CTNND2: variants seen among roughly 807,000 people sequenced by gnomAD.
CTNND2 encodes catenin delta-2.
In CTNND2, 22 loss-of-function variants were observed where a neutral mutation model predicts 144.4. The ratio of observed to expected loss-of-function variants is 0.15; its 90% CI spans 0.11 to 0.22. The LOEUF (loss-of-function observed/expected upper bound fraction) is 0.22. Ranked by LOEUF, CTNND2 falls within the 10% of genes least tolerant of loss-of-function variation. The pLI, the probability that CTNND2 is intolerant of heterozygous loss-of-function variation, is 1.00. For synonymous variants in CTNND2, 751 were observed against 695.6 expected, an observed-to-expected ratio of 1.08 and a Z score of -1.25; for missense variants, 1,353 against 1,618.8, an observed-to-expected ratio of 0.84 and a Z score of 2.82.
intron 1 of CTNND2, among the ~76,000 whole-genome samples, chr5:11,887,140 C>G (rs565333582): frequency 6.6e-6 from 1 of 151,874 alleles, no homozygotes; most frequent in African/African-American, 2.4e-5. Flanking sequence ...CATACCGCCA[C>G]GCCCAGCTAA....
chr5:11,171,604 C>T (rs183930748), intron 11 of CTNND2, among the ~76,000 whole-genome samples: 67 of 152,200 alleles, frequency 4.4e-4, no homozygotes, highest in African/African-American at 8.7e-4. Flanking sequence ...CTAAGGAATA[C>T]GCAGTAAATT....
At chr5:11,354,738 C>T (rs73042250) in intron 8 of CTNND2, among the ~76,000 whole-genome samples, 1 of 152,306 alleles carries the variant, frequency 6.6e-6, no homozygotes, top group African/African-American at 2.4e-5. Flanking sequence ...AAACTACGCT[C>T]CAGACCAAAG....
At chr5:11,492,046 G>A (rs1769437329) in intron 3 of CTNND2, among the ~76,000 whole-genome samples, 1 of 152,182 alleles carries the variant, frequency 6.6e-6, no homozygotes, top group Non-Finnish European at 1.5e-5. Flanking sequence ...AAGCTGCTGG[G>A]TAATCTTTAA....
chr5:11,443,052 T>C (rs2149896249), intron 3 of CTNND2, among the ~76,000 whole-genome samples: 1 of 150,870 alleles, frequency 6.6e-6, no homozygotes, highest in African/African-American at 2.4e-5. Flanking sequence ...TGAGTACACC[T>C]CAACCAAACC....
chr5:11,595,772 C>T (rs1779472814), intron 2 of CTNND2, among the ~76,000 whole-genome samples: 1 of 152,116 alleles, frequency 6.6e-6, no homozygotes, highest in Admixed American at 6.5e-5. Context: ...TTGAAGACAG[C>T]AATTTCCATC....
intron 3 of CTNND2, among the ~76,000 whole-genome samples, chr5:11,550,900 G>GT (rs1421444804): frequency 6.6e-6 from 1 of 152,184 alleles, no homozygotes; most frequent in Non-Finnish European, 1.5e-5. Context: ...TTTGAAGTAA[G>GT]TAATAGCTTC....
At position 11,110,964 on chromosome 5, in the gene CTNND2, C is replaced by T; in HGVS notation, c.2357G>A (p.Gly786Asp). 3 of 1,614,152 alleles carry T rather than the reference C, an allele frequency of 1.9e-6. No individual in the cohort carries two copies. The highest frequency in any genetic ancestry group is 2.5e-6 in the Non-Finnish European group (3 of 1,180,018). Residue 786 changes from glycine to aspartate, a missense_variant, in exon 14 of 22, where the codon GGC becomes GAC. Physicochemically the swap from Gly to Asp is moderately conservative, Grantham distance 94. Coordinates refer to ENST00000304623, the MANE Select transcript of CTNND2 (RefSeq NM_001332.4). ...AAETSQGQHM[G>D]TDELDGLLCG... Reference sequence around the variant, plus strand: ...GAGTAGCCCGTCCAGCTCGTCCGTGCCCATGTGCTGTCCCTGAGACGTTTC... The same window carrying T: ...GAGTAGCCCGTCCAGCTCGTCCGTGTCCATGTGCTGTCCCTGAGACGTTTC...
At chr5:11,625,909 T>C (rs1314436675) in intron 2 of CTNND2, among the ~76,000 whole-genome samples, 1 of 152,198 alleles carries the variant, frequency 6.6e-6, no homozygotes, top group Admixed American at 6.5e-5. Flanking sequence ...AAAAATTTAA[T>C]GCCATCGGTG....
intron 2 of CTNND2, among the ~76,000 whole-genome samples, chr5:11,669,412 G>C (rs1417527287): frequency 6.6e-6 from 1 of 152,048 alleles, no homozygotes; most frequent in Non-Finnish European, 1.5e-5. Flanking sequence ...GTGATTGGTA[G>C]GCTATTAATT....
At chr5:11,188,600 T>G (rs1032421904) in intron 11 of CTNND2, among the ~76,000 whole-genome samples, 1 of 152,198 alleles carries the variant, frequency 6.6e-6, no homozygotes, top group African/African-American at 2.4e-5. Flanking sequence ...ACACGTACCC[T>G]GGAACTTTAA....
intron 9 of CTNND2, among the ~76,000 whole-genome samples, chr5:11,325,964 C>T (rs1279720920): frequency 6.6e-6 from 1 of 152,168 alleles, no homozygotes; most frequent in Non-Finnish European, 1.5e-5. Flanking sequence ...AACTGTAGTA[C>T]ATTTAAATGT....
intron 11 of CTNND2, among the ~76,000 whole-genome samples, chr5:11,162,302 G>C (rs1053025193): frequency 6.6e-6 from 1 of 152,090 alleles, no homozygotes; most frequent in Admixed American, 6.5e-5. Context: ...AATAGGGAAA[G>C]GGAGGAAGGA....
intron 2 of CTNND2, among the ~76,000 whole-genome samples, chr5:11,728,879 T>C (rs1787170915): frequency 6.6e-6 from 1 of 152,092 alleles, no homozygotes; most frequent in African/African-American, 2.4e-5. Flanking sequence ...TGAAGGCCAA[T>C]TCAGATAAAA....
chr5:11,219,936 A>G (rs1739616342), intron 10 of CTNND2, among the ~76,000 whole-genome samples: 1 of 152,176 alleles, frequency 6.6e-6, no homozygotes, highest in African/African-American at 2.4e-5. Flanking sequence ...TAGGGGGCCT[A>G]CTTCTCACTC....
intron 2 of CTNND2, among the ~76,000 whole-genome samples, chr5:11,567,346 G>GAATATT (rs1777200851): frequency 6.6e-6 from 1 of 152,006 alleles, no homozygotes; most frequent in Non-Finnish European, 1.5e-5. Context: ...TGTTTCTTAT[G>GAATATT]CCTGGGTTAT....
intron 12 of CTNND2, among the ~76,000 whole-genome samples, chr5:11,118,169 C>T (rs971523436): frequency 6.6e-6 from 1 of 152,188 alleles, no homozygotes; most frequent in Non-Finnish European, 1.5e-5. Context: ...CAGATGGGGT[C>T]TACTGTAATG....
intron 7 of CTNND2, among the ~76,000 whole-genome samples, chr5:11,379,079 G>A (rs776601468): frequency 6.6e-6 from 1 of 152,084 alleles, no homozygotes; most frequent in Non-Finnish European, 1.5e-5. Context: ...TCTACAACTC[G>A]TATTTCTTTT....
intron 1 of CTNND2, among the ~76,000 whole-genome samples, chr5:11,828,565 C>T (rs1793723616): frequency 6.6e-6 from 1 of 152,034 alleles, no homozygotes; most frequent in South Asian, 2.1e-4. Flanking sequence ...GGGGAGTTTG[C>T]CCCACAAGCT....
At chr5:11,340,947 ATTG>A (rs1754208499) in intron 9 of CTNND2, among the ~76,000 whole-genome samples, 1 of 152,232 alleles carries the variant, frequency 6.6e-6, no homozygotes, top group Admixed American at 6.5e-5. Flanking sequence ...TTTCATCATC[ATTG>A]TTATCATCAA....
Sources: gnomAD v4.1 joint callset for allele counts (sites outside exome capture counted in the v4.1 genomes callset) on GRCh38, gnomAD v4.1.1 for gene constraint, MANE v1.5 for transcripts, NCBI Gene and HGNC (gene_info 2026-07-23, HGNC 2026-07-21) for gene names.